The following NCKAP5 variants were observed in gnomAD, a reference collection of about 807,000 sequenced individuals.
The protein encoded by NCKAP5 is NCK associated protein 5.
A neutral mutation model predicts 167.0 loss-of-function variants in NCKAP5; 92 were observed. That is an observed-to-expected ratio of 0.55 (90% CI 0.47 to 0.66). NCKAP5 has a LOEUF of 0.66. NCKAP5 is among the 30% of genes least tolerant of loss of function. NCKAP5 has a pLI of 0.00. For synonymous variants in NCKAP5, 891 were observed against 877.4 expected (o/e 1.02, Z -0.27); for missense variants, 2,378 against 2,315.0 (o/e 1.03, Z -0.56).
chr2:133,562,915 T>A (rs995796734), intron 1 of NCKAP5, among the ~76,000 whole-genome samples: 1 of 152,310 alleles, frequency 6.6e-6, no homozygotes, highest in African/African-American at 2.4e-5. Flanking sequence ...ATTTATTATT[T>A]CATCTATAAA....
At chr2:132,858,204 G>C (rs1013446710) in intron 11 of NCKAP5, among the ~76,000 whole-genome samples, 2 of 152,110 alleles carry the variant, frequency 1.3e-5, no homozygotes, top group African/African-American at 4.8e-5. Flanking sequence ...ATAATATTTG[G>C]AACCAGGGAC....
At chr2:133,660,889 C>T in the NCKAP5 span, among the ~76,000 whole-genome samples, 236 of 151,532 alleles carry the variant, frequency 1.6e-3, 1 homozygote, top group Middle Eastern at 0.014. Context: ...GGTTGGATTC[C>T]TTCTAAGTGT....
At position 133,342,922 on chromosome 2, in the gene NCKAP5, G is replaced by A. The variant is rs139136123; in HGVS notation, c.70-39812C>T. ...TGCAACATCTCTCCATGTCACAGCA[G>A]TGAGGGACAGGTGAATGATGATTTC... is the stretch of plus-strand genomic sequence containing the variant. On this transcript the variant is annotated intron_variant, in intron 3 of 19. Coordinates refer to ENST00000409261, the MANE Select transcript of NCKAP5 (RefSeq NM_207363.3). Among the ~76,000 whole-genome samples the A allele has an allele frequency of 9.8e-3, 1,499 of 152,308 alleles. 11 individuals carry two copies. The highest frequency in any genetic ancestry group is 0.016 in the Non-Finnish European group (1,118 of 68,010).
intron 6 of NCKAP5, among the ~76,000 whole-genome samples, chr2:133,050,665 T>C (rs1016258770): frequency 6.6e-6 from 1 of 152,204 alleles, no homozygotes; most frequent in Admixed American, 6.5e-5. Context: ...TTCTGAAACA[T>C]TAGTCTAGGT....
At chr2:133,071,079 A>G (rs1185281298) in intron 6 of NCKAP5, among the ~76,000 whole-genome samples, 1 of 152,200 alleles carries the variant, frequency 6.6e-6, no homozygotes, top group South Asian at 2.1e-4. Context: ...AATAAAGACA[A>G]AAGGTGACAC....
At chr2:132,975,693 G>C (rs1437011583) in intron 7 of NCKAP5, among the ~76,000 whole-genome samples, 1 of 151,930 alleles carries the variant, frequency 6.6e-6, no homozygotes, top group African/African-American at 2.4e-5. Flanking sequence ...GTATAAGCTG[G>C]GCAGATAGAA....
chr2:133,496,192 A>C (rs916728835), intron 3 of NCKAP5, among the ~76,000 whole-genome samples: 6 of 152,220 alleles, frequency 3.9e-5, no homozygotes, highest in African/African-American at 1.2e-4. Context: ...AAAATCTTGC[A>C]GAAAAAGGGA....
At chr2:133,156,723 T>G (rs1217990135) in intron 5 of NCKAP5, among the ~76,000 whole-genome samples, 1 of 152,134 alleles carries the variant, frequency 6.6e-6, no homozygotes, top group Non-Finnish European at 1.5e-5. Context: ...CTAACCTGCT[T>G]CCTTGCCTCC....
chr2:132,686,392 C>A (rs1268208499), intron 19 of NCKAP5, among the ~76,000 whole-genome samples: 1 of 152,178 alleles, frequency 6.6e-6, no homozygotes, highest in Non-Finnish European at 1.5e-5. Context: ...CCTCTGAATT[C>A]TTTTCTGACC....
chr2:132,965,827 C>A (rs185251529), intron 7 of NCKAP5, among the ~76,000 whole-genome samples: 14 of 151,802 alleles, frequency 9.2e-5, no homozygotes, highest in Admixed American at 9.2e-4. Flanking sequence ...CATATCTAAA[C>A]ATAAAAAAGG....
At chr2:133,432,942 T>C (rs978685932) in intron 3 of NCKAP5, among the ~76,000 whole-genome samples, 8 of 152,182 alleles carry the variant, frequency 5.3e-5, no homozygotes, top group African/African-American at 1.9e-4. Context: ...ATTTTTGTGA[T>C]CTCTCCATAT....
At chr2:132,795,779 A>C (rs1684530094) in intron 12 of NCKAP5, among the ~76,000 whole-genome samples, 1 of 145,542 alleles carries the variant, frequency 6.9e-6, no homozygotes, top group South Asian at 2.3e-4. Flanking sequence ...AGATCGCGCC[A>C]TTGCACTCCA....
At chr2:133,132,840 C>A (rs945170428) in intron 5 of NCKAP5, among the ~76,000 whole-genome samples, 1 of 151,946 alleles carries the variant, frequency 6.6e-6, no homozygotes, top group Non-Finnish European at 1.5e-5. Context: ...CCACGCCCGG[C>A]TAATTTTTTG....
At chr2:133,555,035 G>A (rs1003038162) in intron 2 of NCKAP5, among the ~76,000 whole-genome samples, 3 of 152,040 alleles carry the variant, frequency 2.0e-5, no homozygotes, top group East Asian at 1.9e-4. Flanking sequence ...ACTTTTCCCC[G>A]GGACATCTTA....
intron 2 of NCKAP5, among the ~76,000 whole-genome samples, chr2:133,536,140 A>C (rs1431561752): frequency 2.0e-5 from 3 of 151,994 alleles, no homozygotes; most frequent in Admixed American, 6.5e-5. Context: ...TTTTTAGTTT[A>C]ATTAAGTCCT....
chr2:132,681,578 A>C (rs192981180), intron 19 of NCKAP5, among the ~76,000 whole-genome samples: 7 of 152,176 alleles, frequency 4.6e-5, no homozygotes, highest in South Asian at 2.1e-4. Flanking sequence ...GAAAAAAATA[A>C]TTTTTTTGTG....
chr2:133,558,658 G>C (rs1687922284), intron 2 of NCKAP5, among the ~76,000 whole-genome samples: 1 of 117,722 alleles, frequency 8.5e-6, no homozygotes, highest in Non-Finnish European at 1.6e-5. Context: ...GAAATGCAGA[G>C]ATGATAAAGC....
intron 6 of NCKAP5, among the ~76,000 whole-genome samples, chr2:133,032,079 G>A (rs561619349): frequency 6.6e-6 from 1 of 152,146 alleles, no homozygotes; most frequent in African/African-American, 2.4e-5. Context: ...TTCTGCTTGA[G>A]AAAAGCAGAA....
At chr2:133,130,159 A>G (rs2082551265) in intron 5 of NCKAP5, 48 bp from the exon 6 acceptor site, 1 of 1,567,216 alleles carries the variant, frequency 6.4e-7, no homozygotes, top group African/African-American at 1.4e-5. Flanking sequence ...GTTTATGACA[A>G]AAATAAGAAA....
Sources: gnomAD v4.1 joint callset for allele counts (sites outside exome capture counted in the v4.1 genomes callset) on GRCh38, gnomAD v4.1.1 for gene constraint, MANE v1.5 for transcripts, NCBI Gene and HGNC (gene_info 2026-07-23, HGNC 2026-07-21) for gene names.